SASH1: variants seen among roughly 807,000 people sequenced by gnomAD.
SASH1 encodes SAM and SH3 domain-containing protein 1.
In SASH1, 44 loss-of-function variants were observed where a neutral mutation model predicts 125.2. That is an observed-to-expected ratio of 0.35 (90% confidence interval 0.28 to 0.45). The LOEUF (loss-of-function observed/expected upper bound fraction) is 0.45, where lower values mean the gene tolerates loss of function less well. SASH1 is among the 20% of genes least tolerant of loss of function. The pLI, the probability that SASH1 is intolerant of heterozygous loss-of-function variation, is 1.00. For missense variants in SASH1, 1,426 were observed against 1,614.5 expected (o/e 0.88, Z 2.00); for synonymous variants, 639 against 649.1 (o/e 0.98, Z 0.24).
At chr6:148,303,001 A>G (rs1344187880) in intron 1 of SASH1, among the ~76,000 whole-genome samples, 2 of 151,730 alleles carry the variant, frequency 1.3e-5, no homozygotes, top group Non-Finnish European at 2.9e-5. Flanking sequence ...TATTTTTGAG[A>G]CGGAGTTTTG....
At position 148,529,443 on chromosome 6, in the gene SASH1, G is replaced by A. The variant is rs895572038; in HGVS notation, c.1428+1847G>A. 1.3e-5 allele frequency among the ~76,000 whole-genome samples: 2 copies of A among 152,050 alleles called. No individual in the cohort carries two copies. The highest frequency in any genetic ancestry group is 2.4e-5 in the African/African-American group (1 of 41,390). The stretch of plus-strand genomic sequence containing the variant: ...TCATTCTCTTGTCCTTGTGGGTGAC[G>A]GAGTGATAGTGATTCTATATTTCTT... On this transcript the variant is annotated intron_variant, in intron 12 of 19. Transcript: ENST00000367467. This position sits in a 1 kb window ranked among gnomAD's most constrained non-coding sequence, Gnocchi z 4.2.
chr6:148,450,495 T>A (rs763481858), intron 4 of SASH1, among the ~76,000 whole-genome samples: 114 of 152,148 alleles, frequency 7.5e-4, no homozygotes, highest in Non-Finnish European at 1.5e-3. Flanking sequence ...TGCTTCTCAC[T>A]GAGTACTTTC....
chr6:148,408,580 C>T (rs1428659393), intron 2 of SASH1, among the ~76,000 whole-genome samples: 2 of 152,074 alleles, frequency 1.3e-5, no homozygotes, highest in Non-Finnish European at 2.9e-5. Flanking sequence ...GATATGAATC[C>T]CTTATCAGAT....
intron 1 of SASH1, among the ~76,000 whole-genome samples, chr6:148,373,846 A>G (rs1782788257): frequency 6.6e-6 from 1 of 152,170 alleles, no homozygotes; most frequent in South Asian, 2.1e-4. Context: ...GATGGTGTGC[A>G]CCTGTAATCG....
intron 1 of SASH1, 83 bp downstream of exon 1, chr6:148,343,306 C>T (rs961790182): frequency 1.0e-5 from 14 of 1,375,240 alleles, no homozygotes; most frequent in Middle Eastern, 3.7e-4. Context: ...TCTCGCCCAC[C>T]CACTGGGCAA....
intron 4 of SASH1, among the ~76,000 whole-genome samples, chr6:148,445,957 A>G (rs1776750781): frequency 6.6e-6 from 1 of 152,070 alleles, no homozygotes; most frequent in Admixed American, 6.5e-5. Context: ...ATTTAAAGTC[A>G]TGGTATGGAG....
At chr6:148,205,503 G>A in the SASH1 span, among the ~76,000 whole-genome samples, 5 of 151,952 alleles carry the variant, frequency 3.3e-5, no homozygotes, top group African/African-American at 7.3e-5. Flanking sequence ...ATCATAATTG[G>A]CCTGACTCAG....
At position 148,529,498 on chromosome 6, in the gene SASH1, G is replaced by T. The variant is rs1318003602; in HGVS notation, c.1428+1902G>T. Among the ~76,000 whole-genome samples, 1 of 152,164 alleles carries T rather than the reference G, an allele frequency of 6.6e-6. No homozygotes were observed. Among genetic ancestry groups the T allele is most frequent in the Admixed American group, 6.5e-5 (1 of 15,288 alleles). ...GCAATGAAGCAGTCAGCATGCTAGT[G>T]AGAGCATGCTACTAATTGAAAGCAT... On this transcript the variant is annotated intron_variant, in intron 12 of 19. Transcript: ENST00000367467. The surrounding 1 kb of genome is among the most constrained non-coding windows in gnomAD (Gnocchi z 4.2).
rs1190571133 is a variant in SASH1 at position 148,437,477 on chromosome 6, A to G, written c.286-2707A>G. On this transcript the variant is annotated intron_variant, in intron 2 of 19. Coordinates refer to ENST00000367467, the MANE Select transcript of SASH1 (RefSeq NM_015278.5). The stretch of plus-strand genomic sequence containing the variant: ...ATCAGTAAGCTGCCCTTGATAAAAC[A>G]AACGTCCTGCATGAAAACATTGCCT... Among the ~76,000 whole-genome samples, 4 of 152,370 alleles carry G rather than the reference A, an allele frequency of 2.6e-5. No individual in the cohort carries two copies. In the East Asian group the frequency reaches 7.7e-4, roughly 29 times the overall value.
At chr6:148,359,361 G>T (rs1217115554) in intron 1 of SASH1, among the ~76,000 whole-genome samples, 1 of 147,284 alleles carries the variant, frequency 6.8e-6, no homozygotes, top group East Asian at 2.0e-4. Flanking sequence ...AAGGTTTGTG[G>T]CAACCCTGTG....
At chr6:148,262,884 A>G in the SASH1 span, among the ~76,000 whole-genome samples, 2 of 152,274 alleles carry the variant, frequency 1.3e-5, no homozygotes, top group South Asian at 4.1e-4. Flanking sequence ...AAAAGAAAAG[A>G]AAGAAAGAAA....
intron 2 of SASH1, among the ~76,000 whole-genome samples, chr6:148,426,906 G>C (rs577462465): frequency 1.7e-4 from 26 of 152,070 alleles, no homozygotes; most frequent in African/African-American, 6.0e-4. Context: ...AGGCTGAGGC[G>C]GCTGGTCACT....
intron 17 of SASH1, among the ~76,000 whole-genome samples, chr6:148,542,597 C>T (rs1583332615): frequency 6.6e-6 from 1 of 152,162 alleles, no homozygotes. Context: ...CCGTGTTAGC[C>T]AGGATGGTCT....
intron 2 of SASH1, among the ~76,000 whole-genome samples, chr6:148,421,126 A>AAAGGAAGGAAGG (rs148595857): frequency 0.027 from 2,243 of 82,192 alleles, 173 homozygotes; most frequent in Middle Eastern, 0.065. Flanking sequence ...AGAAAGGAAG[A>AAAGGAAGGAAGG]AAGGAAGGAA....
At position 148,550,604 on chromosome 6, in the gene SASH1, C is replaced by CTGT. The variant is rs1288394053; in HGVS notation, c.*2049_*2051dup. On this transcript the variant is annotated 3_prime_UTR_variant, in exon 20 of 20. Transcript: ENST00000367467. ...ATAAAAAGCTAAAGCTGCCAAATTT[C>CTGT]TGTTGAACTCTTAAAAACAGCTCAT... 2 of 152,198 alleles carry CTGT rather than the reference C, an allele frequency of 1.3e-5. No individual in the cohort carries two copies. Among genetic ancestry groups the CTGT allele is most frequent in the African/African-American group, 4.8e-5 (2 of 41,442 alleles). The allele number at this position is 152,198 out of a possible 1,614,324, so 9.4% of individuals were successfully genotyped here.
intron 10 of SASH1, among the ~76,000 whole-genome samples, chr6:148,522,213 AT>A (rs2115361435): frequency 6.6e-6 from 1 of 152,364 alleles, no homozygotes; most frequent in Non-Finnish European, 1.5e-5. Context: ...ACTTGCAAAA[AT>A]ATGTGTTCAG....
intron 4 of SASH1, among the ~76,000 whole-genome samples, chr6:148,444,047 T>C (rs1318215056): frequency 6.6e-6 from 1 of 152,182 alleles, no homozygotes; most frequent in East Asian, 1.9e-4. Context: ...AGAAAACACA[T>C]GTGGGCAAGA....
At chr6:148,227,267 AAG>A in the SASH1 span, among the ~76,000 whole-genome samples, 1 of 152,152 alleles carries the variant, frequency 6.6e-6, no homozygotes, top group Non-Finnish European at 1.5e-5. Context: ...TCCTGGAGAG[AAG>A]AGACTGTATT....
chr6:148,311,102 TTTTC>T (rs1780315294), intron 1 of SASH1, among the ~76,000 whole-genome samples: 1 of 137,346 alleles, frequency 7.3e-6, no homozygotes, highest in Non-Finnish European at 1.6e-5. Flanking sequence ...TTCTTTTTTT[TTTTC>T]TTTCTTTTTT....
Sources: allele counts gnomAD v4.1 joint callset (sites outside exome capture counted in the v4.1 genomes callset), GRCh38; gene constraint gnomAD v4.1.1; non-coding constraint Gnocchi (gnomAD v3.1); transcripts MANE v1.5; gene names NCBI Gene and HGNC (gene_info 2026-07-23, HGNC 2026-07-21).